Variants in SPATA6L observed in about 807,000 individuals in gnomAD.
SPATA6L encodes spermatogenesis associated 6-like protein.
SPATA6L carries 68 observed loss-of-function variants against 49.2 expected under a neutral mutation model. The observed-to-expected ratio is 1.38, with a 90% CI of 1.14 to 1.69. SPATA6L has a LOEUF of 1.69. SPATA6L is among the 40% of genes most tolerant of loss of function. SPATA6L has a pLI of 0.00. For synonymous variants in SPATA6L, 198 were observed against 165.7 expected (o/e 1.19, Z -1.50); for missense variants, 668 against 464.3 (o/e 1.44, Z -4.03).
chr9:4,602,380 G>A (rs1007661824), intron 11 of SPATA6L, among the ~76,000 whole-genome samples: 18 of 152,104 alleles, frequency 1.2e-4, no homozygotes, highest in African/African-American at 3.9e-4. Flanking sequence ...CAAGCAGAAC[G>A]TTCTAAGGTA....
chr9:4,637,421 T>G (rs1196174753), intron 3 of SPATA6L, among the ~76,000 whole-genome samples: 1 of 152,230 alleles, frequency 6.6e-6, no homozygotes, highest in Non-Finnish European at 1.5e-5. Flanking sequence ...TTACCACTAA[T>G]TGATATTTTT....
At chr9:4,593,255 T>C (rs944164053) in intron 13 of SPATA6L, among the ~76,000 whole-genome samples, 2 of 152,246 alleles carry the variant, frequency 1.3e-5, no homozygotes, top group African/African-American at 4.8e-5. Flanking sequence ...CATGACATTT[T>C]ATTTGATACA....
intron 7 of SPATA6L, 123 bp downstream of exon 7, chr9:4,622,282 GAGA>G: frequency 1.6e-6 from 1 of 641,074 alleles, no homozygotes; most frequent in Non-Finnish European, 2.7e-6. Flanking sequence ...TCCACAGCTG[GAGA>G]GTACTTGAGA....
chr9:4,589,137 C>A (rs1343742191), intron 13 of SPATA6L, among the ~76,000 whole-genome samples: 1 of 152,232 alleles, frequency 6.6e-6, no homozygotes, highest in Non-Finnish European at 1.5e-5. Flanking sequence ...ACAACCGAAA[C>A]CTTGGTTTCC....
At chr9:4,603,051 G>A (rs1402239821) in intron 11 of SPATA6L, among the ~76,000 whole-genome samples, 1 of 152,202 alleles carries the variant, frequency 6.6e-6, no homozygotes, top group East Asian at 1.9e-4. Flanking sequence ...CCACAATGTG[G>A]CTAACTACTT....
intron 4 of SPATA6L, among the ~76,000 whole-genome samples, chr9:4,631,319 T>C (rs972611142): frequency 4.6e-5 from 7 of 152,122 alleles, no homozygotes; most frequent in Admixed American, 3.9e-4. Flanking sequence ...AATTTTTAAA[T>C]GCTTTTTATG....
At chr9:4,630,393 A>C (rs1230230457) in intron 4 of SPATA6L, among the ~76,000 whole-genome samples, 2 of 152,350 alleles carry the variant, frequency 1.3e-5, no homozygotes, top group South Asian at 4.1e-4. Flanking sequence ...ATGGCACCAC[A>C]GGGACAGGAC....
chr9:4,636,266 C>T (rs1832788265), intron 3 of SPATA6L, among the ~76,000 whole-genome samples: 1 of 152,112 alleles, frequency 6.6e-6, no homozygotes, highest in Non-Finnish European at 1.5e-5. Flanking sequence ...ATGCTTGATA[C>T]TTACATATTA....
chr9:4,638,222 A>T (rs554112308), intron 3 of SPATA6L, among the ~76,000 whole-genome samples: 1,884 of 122,840 alleles, frequency 0.015, 14 homozygotes, highest in African/African-American at 0.039. Context: ...TATTATTATT[A>T]TTTTTTGAGA....
chr9:4,665,060 C>T (rs1840662998), intron 1 of SPATA6L: 1 of 167,116 alleles, frequency 6.0e-6, no homozygotes, highest in Admixed American at 6.5e-5. Flanking sequence ...GGCTTACCAT[C>T]TGATTTGTAA....
chr9:4,627,284 A>G (rs922668726), intron 5 of SPATA6L: 1 of 157,884 alleles, frequency 6.3e-6, no homozygotes, highest in Non-Finnish European at 1.4e-5. Context: ...CTATGAACAC[A>G]TCACAAATAA....
Position 4,666,301 on chromosome 9 carries a change from A to T in SPATA6L, c.-51T>A, listed in dbSNP as rs756417802. The T allele has an allele frequency of 4.4e-6, 7 of 1,605,592 alleles. No homozygotes were observed. In the South Asian group the frequency reaches 5.5e-5, roughly 13 times the overall value. ...GGAATGAGAAGATCCTTTTGTGCCG[A>T]GCCTTGGACCAATTTTTCTTAGTTT... On this transcript the variant is annotated 5_prime_UTR_variant, in exon 1 of 12. Transcript: ENST00000682582.
chr9:4,664,065 A>T (rs941202918), intron 1 of SPATA6L: 1 of 167,154 alleles, frequency 6.0e-6, no homozygotes, highest in African/African-American at 2.4e-5. Flanking sequence ...TAGAAGAGGA[A>T]GAATGGGACA....
At chr9:4,654,274 A>G (rs1837584605) in intron 3 of SPATA6L, among the ~76,000 whole-genome samples, 1 of 152,234 alleles carries the variant, frequency 6.6e-6, no homozygotes. Flanking sequence ...CAGTTACCAC[A>G]TTGAAATGGG....
In SPATA6L at chr9:4,662,017, A is replaced by G. The variant is rs1209346980; in HGVS notation, c.59T>C (p.Phe20Ser). ...GTACACATCTTGTTTGCCAGGCAGG[A>G]ACACTCCTGGGCAAGAAATCTTAAA... ...QIRAISCPGV[F>S]LPGKQDVYLG... The change falls in exon 2 of 12, where the codon TTC (phenylalanine) becomes TCC (serine). Residue 20 changes from phenylalanine to serine, a missense_variant. Coordinates refer to ENST00000682582, the MANE Select transcript of SPATA6L (RefSeq NM_001353486.2). The surrounding 1 kb of genome is among the most constrained non-coding windows in gnomAD (Gnocchi z 4.9). The G allele has an allele frequency of 6.2e-7, 1 of 1,614,142 alleles. No homozygotes were observed. The highest frequency in any genetic ancestry group is 8.5e-7 in the Non-Finnish European group (1 of 1,180,006).
rs1434317422 is a variant in SPATA6L at position 4,622,616 on chromosome 9, T to TG, written c.670-107dup. The TG allele has an allele frequency of 6.5e-6, 5 of 771,990 alleles. No homozygotes were observed. In the African/African-American group the frequency reaches 8.8e-5, roughly 14 times the overall value. 47.8% of individuals were successfully genotyped at this position (771,990 alleles called of 1,614,324 possible). ...CCCCTCAATCACTGATTACACGGGTTGGAAAAAGAAGGCTGGAAAACCACC... is the reference window on the plus strand; with the variant it reads ...CCCCTCAATCACTGATTACACGGGTTGGGAAAAAGAAGGCTGGAAAACCACC... On this transcript the variant is annotated intron_variant, in intron 6 of 11. Transcript: ENST00000682582.
Position 4,604,239 on chromosome 9 carries a change from T to C in SPATA6L, c.1120A>G (p.Ile374Val), listed in dbSNP as rs773024116. The C allele has an allele frequency of 7.4e-6, 12 of 1,611,564 alleles. No individual in the cohort carries two copies. The East Asian group carries it at 8.9e-5, about 12-fold the overall frequency. ...EDSTSEVNYI[I>V]ERPSYPLKKY... ...TTCAGAGGGTAGCTTGGTCTTTCAA[T>C]GATATAATTTACTTCAGAGGTAGAA... Residue 374 changes from isoleucine (I) to valine (V), a missense_variant, in exon 11 of 12, where the codon ATT becomes GTT. By Grantham distance (29) the Ile-to-Val change is conservative. Coordinates refer to ENST00000682582, the MANE Select transcript of SPATA6L (RefSeq NM_001353486.2).
intron 3 of SPATA6L, among the ~76,000 whole-genome samples, chr9:4,642,302 A>G (rs188110628): frequency 2.6e-5 from 4 of 152,360 alleles, no homozygotes; most frequent in African/African-American, 7.2e-5. Flanking sequence ...AAATTGGGTC[A>G]AATAAGAATA....
At chr9:4,630,938 C>T (rs965779951) in intron 4 of SPATA6L, among the ~76,000 whole-genome samples, 1 of 152,220 alleles carries the variant, frequency 6.6e-6, no homozygotes, top group Non-Finnish European at 1.5e-5. Flanking sequence ...CATGACAAAA[C>T]TGGGAATGAA....
Sources: gnomAD v4.1 joint callset for allele counts (sites outside exome capture counted in the v4.1 genomes callset) on GRCh38, gnomAD v4.1.1 for gene constraint, Gnocchi (gnomAD v3.1) non-coding constraint, MANE v1.5 for transcripts, NCBI Gene and HGNC (gene_info 2026-07-23, HGNC 2026-07-21) for gene names.